Variants in ANKS3 observed in about 807,000 individuals in gnomAD.
ANKS3 encodes the protein ankyrin repeat and SAM domain-containing protein 3.
ANKS3 carries 62 observed loss-of-function variants against 80.7 expected under a neutral mutation model. The ratio of observed to expected loss-of-function variants is 0.77; its 90% confidence interval spans 0.63 to 0.95. The LOEUF is 0.95. Ranked by LOEUF, ANKS3 falls within the 40% of genes least tolerant of loss-of-function variation. The pLI is 0.00. For synonymous variants in ANKS3, 489 were observed against 355.3 expected (o/e 1.38, Z -4.23); for missense variants, 1,150 against 883.6 (o/e 1.30, Z -3.82).
intron 8 of ANKS3, among the ~76,000 whole-genome samples, chr16:4,704,475 A>G (rs1209401762): frequency 6.6e-6 from 1 of 152,202 alleles, no homozygotes; most frequent in East Asian, 1.9e-4. Context: ...AATAGAGAGT[A>G]GGCACCAAAC....
chr16:4,714,744 A>G (rs990830094), intron 6 of ANKS3, among the ~76,000 whole-genome samples: 23 of 152,188 alleles, frequency 1.5e-4, no homozygotes, highest in African/African-American at 5.3e-4. Context: ...CTGTAATCCC[A>G]GCACTTTGGG....
rs117674949 is a variant in ANKS3 at position 4,701,245 on chromosome 16, G to A, written c.1120-111C>T. The A allele has an allele frequency of 0.021, 31,803 of 1,516,242 alleles. 416 individuals carry two copies. Among genetic ancestry groups the A allele is most frequent in the Non-Finnish European group, 0.025 (27,418 of 1,112,896 alleles). The allele number at this position is 1,516,242 out of a possible 1,614,324, so 93.9% of individuals were successfully genotyped here. A position where few individuals can be genotyped will look rare whatever the true frequency, so the allele number is the denominator to read the frequency against. ...AGAGGCTTCGTGAAACCCCCCACCC[G>A]CCACACAGGGGCTTCCGGTGCGTTC... On this transcript the variant is annotated intron_variant, in intron 10 of 17. Coordinates refer to ENST00000304283, the MANE Select transcript of ANKS3 (RefSeq NM_133450.4).
intron 3 of ANKS3, chr16:4,727,905 AAAT>A (rs2081434645): frequency 6.6e-6 from 1 of 152,578 alleles, no homozygotes; most frequent in Non-Finnish European, 1.5e-5. Flanking sequence ...GTCACATTTA[AAAT>A]AATACCCACT....
chr16:4,708,422 T>G (rs1245054901), intron 7 of ANKS3, among the ~76,000 whole-genome samples: 1 of 151,780 alleles, frequency 6.6e-6, no homozygotes, highest in Non-Finnish European at 1.5e-5. Flanking sequence ...AAAGCAGCAA[T>G]CAGCAAAAAT....
chr16:4,724,650 A>C (rs1013865047), intron 6 of ANKS3, 100 bp downstream of exon 6: 115 of 1,163,970 alleles, frequency 9.9e-5, no homozygotes, highest in Non-Finnish European at 1.3e-4. Flanking sequence ...AATGAAAGTT[A>C]TTTCTGTGCA....
intron 11 of ANKS3, chr16:4,700,406 G>C (rs144730870): frequency 5.0e-6 from 1 of 198,440 alleles, no homozygotes; most frequent in Non-Finnish European, 1.0e-5. Flanking sequence ...GACAGTGCGA[G>C]ACTCCGTCTC....
intron 15 of ANKS3, among the ~76,000 whole-genome samples, chr16:4,697,767 G>A (rs2079651281): frequency 6.6e-6 from 1 of 152,214 alleles, no homozygotes; most frequent in Non-Finnish European, 1.5e-5. Context: ...TACCCCTGGG[G>A]GATAGGCAGT....
intron 7 of ANKS3, among the ~76,000 whole-genome samples, chr16:4,711,378 T>C (rs60679809): frequency 0.048 from 7,246 of 151,728 alleles, 271 homozygotes; most frequent in African/African-American, 0.11. Flanking sequence ...GCTGAGATTA[T>C]AGGCATAAGC....
Position 4,726,800 on chromosome 16 carries a change from G to A in ANKS3, c.370-20C>T, listed in dbSNP as rs200990726. 116 of 1,609,604 alleles carry A rather than the reference G, an allele frequency of 7.2e-5. No homozygotes were observed. The highest frequency in any genetic ancestry group is 1.7e-4 in the Middle Eastern group (1 of 5,952). The stretch of plus-strand genomic sequence containing the variant: ...ACCTTGCTTCAAGAGAACACAGAAC[G>A]TGCGTTACGGCCTCATCTCCTCTGC... On this transcript the variant is annotated intron_variant, in intron 4 of 17. Transcript: ENST00000304283.
chr16:4,721,133 G>A (rs1487278293), intron 6 of ANKS3, among the ~76,000 whole-genome samples: 2 of 147,110 alleles, frequency 1.4e-5, no homozygotes, highest in African/African-American at 5.0e-5. Flanking sequence ...GTGAAACCCC[G>A]TCTCTACTAA....
intron 10 of ANKS3, 115 bp downstream of exon 10, chr16:4,701,319 C>A: frequency 1.5e-6 from 2 of 1,324,628 alleles, no homozygotes; most frequent in Non-Finnish European, 1.0e-6. Flanking sequence ...CCCAGTGCAG[C>A]ACACACGTGC....
chr16:4,727,342 G>C (rs1212391422), intron 3 of ANKS3, 165 bp from the exon 4 acceptor site: 1 of 693,932 alleles, frequency 1.4e-6, no homozygotes, highest in African/African-American at 1.8e-5. Context: ...GAAAAATGCT[G>C]ACAGTTGCTC....
chr16:4,721,984 T>TA (rs2081125385), intron 6 of ANKS3, among the ~76,000 whole-genome samples: 1 of 151,100 alleles, frequency 6.6e-6, no homozygotes, highest in Non-Finnish European at 1.5e-5. Flanking sequence ...TTAAGTTTTT[T>TA]AAAAAATGCA....
At chr16:4,697,502 A>ATCTG (rs1397407469) in intron 15 of ANKS3, 86 bp from the exon 16 acceptor site, 4 of 1,152,144 alleles carry the variant, frequency 3.5e-6, no homozygotes, top group African/African-American at 1.6e-5. Flanking sequence ...CAACCAGGAG[A>ATCTG]ACCTGCTTGG....
At chr16:4,705,681 G>A (rs567664091) in intron 7 of ANKS3, among the ~76,000 whole-genome samples, 5 of 152,108 alleles carry the variant, frequency 3.3e-5, no homozygotes, top group Non-Finnish European at 7.4e-5. Context: ...TGTTGGCCAG[G>A]CTGGTCTCAA....
chr16:4,723,603 G>C (rs1278152381), intron 6 of ANKS3, among the ~76,000 whole-genome samples: 2 of 152,184 alleles, frequency 1.3e-5, no homozygotes, highest in Non-Finnish European at 2.9e-5. Context: ...TAACGCATCA[G>C]GGTTCACCCC....
intron 7 of ANKS3, among the ~76,000 whole-genome samples, chr16:4,710,334 C>A (rs946700358): frequency 1.3e-5 from 2 of 152,160 alleles, no homozygotes; most frequent in Non-Finnish European, 2.9e-5. Context: ...TTGATCATTA[C>A]ACAGTGTATA....
In ANKS3 at chr16:4,731,590, T is replaced by C. The variant is rs1476242751; in HGVS notation, c.-70-11A>G. Reference sequence around the variant, plus strand: ...GCCACTGCACCTGGCCTGTAAATTTTAAATATAAATTAATTTTTCTGGAAT... The same window carrying C: ...GCCACTGCACCTGGCCTGTAAATTTCAAATATAAATTAATTTTTCTGGAAT... On this transcript the variant is annotated splice_polypyrimidine_tract_variant and intron_variant, in intron 1 of 17. Coordinates refer to ENST00000304283, the MANE Select transcript of ANKS3 (RefSeq NM_133450.4). The C allele has an allele frequency of 2.2e-6, 2 of 916,110 alleles. No homozygotes were observed. The highest frequency in any genetic ancestry group is 2.6e-6 in the Non-Finnish European group (2 of 766,544). The allele number at this position is 916,110 out of a possible 1,614,324, so 56.7% of individuals were successfully genotyped here.
chr16:4,697,680 C>G (rs1343240286), intron 15 of ANKS3, among the ~76,000 whole-genome samples: 2 of 152,212 alleles, frequency 1.3e-5, no homozygotes, highest in Non-Finnish European at 1.5e-5. Flanking sequence ...TGGGCCCTGG[C>G]TGGAGGCTAC....
Sources: allele counts gnomAD v4.1 joint callset (sites outside exome capture counted in the v4.1 genomes callset), GRCh38; gene constraint gnomAD v4.1.1; transcripts MANE v1.5; gene names NCBI Gene and HGNC (gene_info 2026-07-23, HGNC 2026-07-21).